Variants in ADGRL4 observed in about 807,000 individuals in gnomAD.
ADGRL4 encodes EGF, latrophilin and seven transmembrane domain containing 1.
ADGRL4 carries 90 observed loss-of-function variants against 74.8 expected under a neutral mutation model. The observed-to-expected ratio is 1.20, with a 90% confidence interval of 1.02 to 1.43. ADGRL4 has a LOEUF of 1.43. ADGRL4 is among the 40% of genes most tolerant of loss of function. The pLI, the probability that ADGRL4 is intolerant of heterozygous loss-of-function variation, is 0.00. For missense variants in ADGRL4, 881 were observed against 814.3 expected (o/e 1.08, Z -1.00); for synonymous variants, 311 against 279.2 (o/e 1.11, Z -1.14).
At chr1:78,927,127 A>T (rs1297215397) in intron 7 of ADGRL4, 36 bp from the exon 8 acceptor site, 2 of 1,376,418 alleles carry the variant, frequency 1.5e-6, no homozygotes, top group Non-Finnish European at 2.0e-6. Context: ...TGAAATTCTT[A>T]TAAAACAAAG....
At chr1:78,970,449 G>A (rs961637737) in intron 2 of ADGRL4, among the ~76,000 whole-genome samples, 9 of 152,194 alleles carry the variant, frequency 5.9e-5, no homozygotes, top group Non-Finnish European at 1.2e-4. Context: ...ACATAGGTGA[G>A]AGTGGATAAT....
rs759444070 is a variant in ADGRL4, at chr1:78,920,177, A to G, written c.1461+6T>C. On this transcript the variant is annotated splice_donor_region_variant and intron_variant, in intron 10 of 14. Transcript: ENST00000370742. ...GACAAAAATAGAGATTAGGATGCCT[A>G]CATACCTTATTAGTATTTGTATTGA... 6.2e-7 allele frequency: 1 copy of G among 1,604,686 alleles called. No individual in the cohort carries two copies. Among genetic ancestry groups the G allele is most frequent in the Non-Finnish European group, 8.5e-7 (1 of 1,173,662 alleles).
intron 2 of ADGRL4, among the ~76,000 whole-genome samples, chr1:78,963,116 A>T (rs1649986828): frequency 6.6e-6 from 1 of 152,222 alleles, no homozygotes; most frequent in South Asian, 2.1e-4. Context: ...CACATAGAAG[A>T]TGAACAATAA....
At chr1:78,922,109 C>T (rs1649013805) in intron 8 of ADGRL4, among the ~76,000 whole-genome samples, 1 of 151,828 alleles carries the variant, frequency 6.6e-6, no homozygotes, top group Admixed American at 6.6e-5. Flanking sequence ...ATCATTAATC[C>T]AGGTACTAAA....
At chr1:78,898,322 G>C (rs1325356889) in intron 12 of ADGRL4, among the ~76,000 whole-genome samples, 1 of 151,812 alleles carries the variant, frequency 6.6e-6, no homozygotes, top group Non-Finnish European at 1.5e-5. Flanking sequence ...AAAAATCATT[G>C]GTATTCATCT....
intron 12 of ADGRL4, among the ~76,000 whole-genome samples, chr1:78,911,409 ATAAATATTATTTATTCTGTTAAGTTTC>A (rs1480202229): frequency 6.6e-6 from 1 of 151,860 alleles, no homozygotes; most frequent in African/African-American, 2.4e-5. Flanking sequence ...ATTCTGGAAA[ATAAATATTATTTATTCTGTTAAGTTTC>A]TATTGGTTTT....
chr1:78,979,645 A>G (rs116619178), intron 2 of ADGRL4, among the ~76,000 whole-genome samples: 1,898 of 152,030 alleles, frequency 0.012, 52 homozygotes, highest in African/African-American at 0.044. Flanking sequence ...TATAGAACCA[A>G]TCTAAGTGCC....
At chr1:78,907,811 T>C (rs1484996207) in intron 12 of ADGRL4, among the ~76,000 whole-genome samples, 1 of 151,800 alleles carries the variant, frequency 6.6e-6, no homozygotes, top group Non-Finnish European at 1.5e-5. Flanking sequence ...GGAGAGCTCT[T>C]GAAAAAAAGA....
chr1:78,959,704 A>AT (rs1294240174), intron 2 of ADGRL4, among the ~76,000 whole-genome samples: 1 of 152,172 alleles, frequency 6.6e-6, no homozygotes, highest in Non-Finnish European at 1.5e-5. Flanking sequence ...GTCTGGACTC[A>AT]TTTATTCTAA....
At chr1:78,976,095 G>C (rs1014074415) in intron 2 of ADGRL4, among the ~76,000 whole-genome samples, 2 of 151,990 alleles carry the variant, frequency 1.3e-5, no homozygotes, top group African/African-American at 4.8e-5. Context: ...TGGATTCCCT[G>C]TGCTAAGTAA....
chr1:78,918,042 A>ACAGAAGAG lies in ADGRL4; in HGVS notation c.1462_1469dup (p.Ile492SerfsTer14). 1 of 1,605,576 alleles carries ACAGAAGAG rather than the reference A, an allele frequency of 6.2e-7. No individual in the cohort carries two copies. The highest frequency in any genetic ancestry group is 1.1e-5 in the South Asian group (1 of 89,070). On this transcript the variant is annotated frameshift_variant, in exon 11 of 15. Coordinates refer to ENST00000370742, the MANE Select transcript of ADGRL4 (RefSeq NM_022159.4). LOFTEE classifies it high-confidence loss of function. ...AGTGTAGCAGTCCGGCAATGATTGA[A>ACAGAAGAG]CAGAAGAGCTAGAAATCAAAGAAAA...
In ADGRL4 at chr1:78,891,523, C is replaced by T; in HGVS notation, c.2010+1G>A. On this transcript the variant is annotated splice_donor_variant, in intron 14 of 14. Coordinates refer to ENST00000370742, the MANE Select transcript of ADGRL4 (RefSeq NM_022159.4). LOFTEE classifies it high-confidence loss of function. ...AACCACCAAAATAAGAAATTGTTTA[C>T]CTTTCTAGATAAAACACACAGGAAT... 1 of 1,609,966 alleles carries T rather than the reference C, an allele frequency of 6.2e-7. No homozygotes were observed. Among genetic ancestry groups the T allele is most frequent in the Non-Finnish European group, 8.5e-7 (1 of 1,178,630 alleles).
intron 2 of ADGRL4, among the ~76,000 whole-genome samples, chr1:78,968,680 G>T (rs1185004695): frequency 6.6e-6 from 1 of 152,158 alleles, no homozygotes; most frequent in Non-Finnish European, 1.5e-5. Context: ...AGCCCGGGTT[G>T]CTAGCTGGAC....
At chr1:78,912,065 A>C (rs1406065600) in intron 12 of ADGRL4, among the ~76,000 whole-genome samples, 2 of 151,850 alleles carry the variant, frequency 1.3e-5, no homozygotes, top group African/African-American at 4.8e-5. Flanking sequence ...TTACAGTTCT[A>C]GAGTCCATCA....
At position 78,891,671 on chromosome 1, in the gene ADGRL4, G is replaced by A. The variant is rs754363942; in HGVS notation, c.1863C>T (p.Leu621=). ...ENIRSCARGA[L]ALLFLLGTTW... Reference sequence around the variant, plus strand: ...TGGTGCCGAGAAGGAACAGAAGAGCGAGGGCTCCTCTTGCACAAGACCTAT... The same window carrying A: ...TGGTGCCGAGAAGGAACAGAAGAGCAAGGGCTCCTCTTGCACAAGACCTAT... The change falls in exon 14 of 15, where the codon CTC becomes CTT. Residue 621 remains leucine (L), a synonymous_variant. Transcript: ENST00000370742. 7.4e-6 allele frequency: 12 copies of A among 1,612,360 alleles called. No individual in the cohort carries two copies. Among genetic ancestry groups the A allele is most frequent in the East Asian group, 2.2e-5 (1 of 44,842 alleles).
intron 7 of ADGRL4, among the ~76,000 whole-genome samples, chr1:78,935,800 T>C (rs1350198292): frequency 6.6e-6 from 1 of 152,150 alleles, no homozygotes; most frequent in African/African-American, 2.4e-5. Flanking sequence ...CCCAGGTATT[T>C]ATAACAGAAT....
intron 2 of ADGRL4, among the ~76,000 whole-genome samples, chr1:78,955,145 A>T (rs1217195134): frequency 6.6e-6 from 1 of 152,054 alleles, no homozygotes; most frequent in Non-Finnish European, 1.5e-5. Context: ...AAAATATAAG[A>T]TCTCATTTCT....
intron 13 of ADGRL4, 84 bp downstream of exon 13, chr1:78,893,014 T>TC (rs538222755): frequency 9.2e-6 from 7 of 763,376 alleles, no homozygotes; most frequent in African/African-American, 1.8e-5. Context: ...TAAAAATAAT[T>TC]CCCCAAATTA....
intron 2 of ADGRL4, among the ~76,000 whole-genome samples, chr1:78,968,122 A>G (rs1650092413): frequency 6.6e-6 from 1 of 152,224 alleles, no homozygotes. Flanking sequence ...ATTATATGGG[A>G]TTTCTAAGAT....
Sources: gnomAD v4.1 joint callset for allele counts (sites outside exome capture counted in the v4.1 genomes callset) on GRCh38, gnomAD v4.1.1 for gene constraint, MANE v1.5 for transcripts, NCBI Gene and HGNC (gene_info 2026-07-23, HGNC 2026-07-21) for gene names.